Variants in NXT2 observed in about 807,000 individuals in gnomAD.
NXT2 encodes the protein NTF2-related export protein 2.
Under a neutral mutation model 9.6 loss-of-function variants are expected in NXT2, and 1 was observed. The ratio of observed to expected loss-of-function variants is 0.10; its 90% confidence interval spans 0.04 to 0.49. NXT2 has a LOEUF of 0.49. NXT2 is among the 20% of genes least tolerant of loss of function. The pLI, the probability that NXT2 is intolerant of heterozygous loss-of-function variation, is 0.95. For synonymous variants in NXT2, 22 were observed against 35.4 expected (o/e 0.62, Z 1.34); for missense variants, 48 against 100.3 (o/e 0.48, Z 2.23).
intron 2 of NXT2, among the ~76,000 whole-genome samples, chrX:109,540,394 C>T (rs1933391284): frequency 9.1e-6 from 1 of 109,915 alleles, no homozygotes; most frequent in Non-Finnish European, 1.9e-5. Flanking sequence ...GTGGCGCGAT[C>T]TTGGCTAACT....
upstream of NXT2, chrX:109,536,012 A>C: frequency 9.2e-7 from 1 of 1,084,103 alleles, no homozygotes; most frequent in Non-Finnish European, 1.3e-6. Flanking sequence ...TTGCCATTTA[A>C]ATCAGAAGTC....
chrX:109,536,239 T>C (rs1253191850), upstream of NXT2, among the ~76,000 whole-genome samples: 1 of 112,349 alleles, frequency 8.9e-6, no homozygotes, highest in Non-Finnish European at 1.9e-5. Flanking sequence ...AAAAGCACCT[T>C]ACATATAGTC....
In NXT2 at chrX:109,537,681, T is replaced by G. The variant is rs1367538786; in HGVS notation, c.16-364T>G. Among the ~76,000 whole-genome samples the G allele has an allele frequency of 2.7e-5, 3 of 111,546 alleles. No individual in the cohort carries two copies. The East Asian group carries it at 8.4e-4, about 31-fold the overall frequency. ...CTTATTCAGTGGCAGTTTTTGCCGC[T>G]CTCTCTCCTTTTCTAAGGTTCAGGT... is the stretch of plus-strand genomic sequence containing the variant. On this transcript the variant is annotated intron_variant, in intron 1 of 3. Transcript: ENST00000372106.
rs1186497092 is a variant in NXT2, at chrX:109,544,199, AC to A, written c.*1512del. 1.8e-5 allele frequency: 2 copies of A among 112,409 alleles called. No individual in the cohort carries two copies. Among genetic ancestry groups the A allele is most frequent in the African/African-American group, 6.5e-5 (2 of 30,914 alleles). The allele number at this position is 112,409 out of a possible 1,213,427, so 9.3% of individuals were successfully genotyped here. On this transcript the variant is annotated 3_prime_UTR_variant, in exon 4 of 4. Coordinates refer to ENST00000372106, the MANE Select transcript of NXT2 (RefSeq NM_001242617.2). ...CTTTGTTTCTACATTGCAACCAAAA[AC>A]TGTTTCTTTTCACTTAATTATAAAA...
intron 3 of NXT2, among the ~76,000 whole-genome samples, 183 bp from the exon 4 acceptor site, chrX:109,542,324 C>A (rs1221163248): frequency 9.0e-6 from 1 of 111,065 alleles, no homozygotes; most frequent in East Asian, 2.8e-4. Context: ...ATTTTAATAT[C>A]TTTTACTAAG....
chrX:109,541,166 A>G (rs914050937), intron 2 of NXT2, among the ~76,000 whole-genome samples: 9 of 112,038 alleles, frequency 8.0e-5, no homozygotes, highest in Non-Finnish European at 1.7e-4. Flanking sequence ...TGATCATTTA[A>G]TTCATTTGAA....
chrX:109,541,415 A>G, intron 2 of NXT2, 60 bp from the exon 3 acceptor site: 1 of 1,030,160 alleles, frequency 9.7e-7, no homozygotes, highest in South Asian at 2.4e-5. Flanking sequence ...ATCCATTTCT[A>G]TAAAATGTTT....
At chrX:109,538,201 G>T in intron 2 of NXT2, 70 bp downstream of exon 2, 2 of 700,374 alleles carry the variant, frequency 2.9e-6, no homozygotes, top group Non-Finnish European at 4.3e-6. Flanking sequence ...TGTGTCTGGA[G>T]CCAGCGTTTC....
Position 109,536,928 on chromosome X carries a change from AT to A in NXT2, c.-77del, listed in dbSNP as rs1933287625. 1.1e-5 allele frequency: 13 copies of A among 1,208,819 alleles called. No homozygotes were observed. The highest frequency in any genetic ancestry group is 1.2e-5 in the Non-Finnish European group (11 of 894,620). On this transcript the variant is annotated 5_prime_UTR_variant, in exon 1 of 4. Coordinates refer to ENST00000372106, the MANE Select transcript of NXT2 (RefSeq NM_001242617.2). ...TTCGCTCTCTTCATAAGTATTGATC[AT>A]TCCGCAGCCCTGCGGACCGGACACG...
chrX:109,536,780 G>A, upstream of NXT2: 4 of 979,627 alleles, frequency 4.1e-6, no homozygotes, highest in Non-Finnish European at 4.0e-6. Flanking sequence ...GTGGATGGGA[G>A]GGATCTTCAG....
At chrX:109,539,533 CTGT>C (rs1933365990) in intron 2 of NXT2, among the ~76,000 whole-genome samples, 1 of 108,781 alleles carries the variant, frequency 9.2e-6, no homozygotes, top group Admixed American at 9.9e-5. Flanking sequence ...TCTCCAGCAT[CTGT>C]TGTTTCCTGA....
At chrX:109,537,047 G>C (rs761004672) in intron 1 of NXT2, 26 bp downstream of exon 1, 2 of 1,199,459 alleles carry the variant, frequency 1.7e-6, no homozygotes, top group South Asian at 1.8e-5. Context: ...GTGGCAGGAC[G>C]GCTGGGCGCC....
rs765257599 is a variant in NXT2, at chrX:109,544,446, T to TA, written c.*1758_*1759insA. 1 of 112,746 alleles carries TA rather than the reference T, an allele frequency of 8.9e-6. No individual in the cohort carries two copies. The highest frequency in any genetic ancestry group is 2.8e-4 in the East Asian group (1 of 3,607). 9.3% of individuals were successfully genotyped at this position (112,746 alleles called of 1,213,427 possible). A position where few individuals can be genotyped will look rare whatever the true frequency, so the allele number is the denominator to read the frequency against. The stretch of plus-strand genomic sequence containing the variant: ...AGCAGCAACAATCAGAATGTCCAAA[T>TA]GCTGTCCTTTCCCTTACAGAGAAGA... On this transcript the variant is annotated 3_prime_UTR_variant, in exon 4 of 4. Coordinates refer to ENST00000372106, the MANE Select transcript of NXT2 (RefSeq NM_001242617.2).
chrX:109,536,153 G>A (rs1933269204), upstream of NXT2, among the ~76,000 whole-genome samples: 1 of 111,745 alleles, frequency 8.9e-6, no homozygotes, highest in Admixed American at 9.4e-5. Flanking sequence ...AGTCTTAGCT[G>A]TAAAATGAAG....
intron 2 of NXT2, among the ~76,000 whole-genome samples, chrX:109,539,566 C>G (rs1933366859): frequency 1.8e-5 from 2 of 108,990 alleles, no homozygotes; most frequent in South Asian, 4.1e-4. Flanking sequence ...GATTGCCATT[C>G]TGACTGGCGT....
chrX:109,537,684 C>G (rs1933315297), intron 1 of NXT2, among the ~76,000 whole-genome samples: 1 of 111,474 alleles, frequency 9.0e-6, no homozygotes, highest in Non-Finnish European at 1.9e-5. Context: ...TTGCCGCTCT[C>G]TCTCCTTTTC....
At chrX:109,538,230 G>A (rs1017127194) in intron 2 of NXT2, 99 bp downstream of exon 2, 11 of 541,260 alleles carry the variant, frequency 2.0e-5, no homozygotes, top group Admixed American at 1.0e-4. Context: ...TGCATAAGTG[G>A]TAACTGTGGA....
chrX:109,539,543 C>T (rs1933366212), intron 2 of NXT2, among the ~76,000 whole-genome samples: 1 of 108,622 alleles, frequency 9.2e-6, no homozygotes, highest in African/African-American at 3.4e-5. Flanking sequence ...CTGTTGTTTC[C>T]TGACTTTTTA....
At chrX:109,536,537 C>A, upstream of NXT2, 1 of 134,267 alleles carries the variant, frequency 7.4e-6, no homozygotes. Context: ...CCAAGCTCTG[C>A]CCACTTATCC....
Sources: gnomAD v4.1 joint callset for allele counts (sites outside exome capture counted in the v4.1 genomes callset) on GRCh38, gnomAD v4.1.1 for gene constraint, MANE v1.5 for transcripts, NCBI Gene and HGNC (gene_info 2026-07-23, HGNC 2026-07-21) for gene names.